The following UTP20 variants were observed in gnomAD, a reference collection of about 807,000 sequenced individuals.
UTP20 encodes the protein UTP20 small subunit processome component.
Under a neutral mutation model 329.5 loss-of-function variants are expected in UTP20, and 164 were observed. That is an observed-to-expected ratio of 0.50 (90% CI 0.44 to 0.57). The LOEUF is 0.57. Ranked by LOEUF, UTP20 falls within the 20% of genes least tolerant of loss-of-function variation. UTP20 has a pLI of 0.00. For missense variants in UTP20, 3,055 were observed against 3,284.2 expected (o/e 0.93, Z 1.71); for synonymous variants, 1,151 against 1,159.3 (o/e 0.99, Z 0.14).
chr12:101,345,796 T>G, intron 37 of UTP20, 102 bp downstream of exon 37: 2 of 1,112,454 alleles, frequency 1.8e-6, no homozygotes, highest in Non-Finnish European at 2.5e-6. Flanking sequence ...CCAAAAAGGT[T>G]TAAGCTTCTC....
At chr12:101,370,282 C>A (rs1870240864) in intron 49 of UTP20, 150 bp from the exon 50 acceptor site, 3 of 947,388 alleles carry the variant, frequency 3.2e-6, no homozygotes, top group African/African-American at 1.6e-5. Flanking sequence ...TGGTTATGGC[C>A]AAAATTTTTT....
intron 40 of UTP20, among the ~76,000 whole-genome samples, chr12:101,353,558 A>G (rs910547111): frequency 3.9e-5 from 6 of 152,204 alleles, no homozygotes; most frequent in African/African-American, 9.6e-5. Context: ...AAATTGGGCC[A>G]GAGACAGTGG....
chr12:101,380,483 C>T (rs886911341), intron 57 of UTP20, among the ~76,000 whole-genome samples: 2 of 152,082 alleles, frequency 1.3e-5, no homozygotes, highest in East Asian at 1.9e-4. Flanking sequence ...ATAGTGGAAC[C>T]CCATAAATAT....
chr12:101,385,723 C>T lies in UTP20; in HGVS notation c.8197C>T (p.Leu2733=), dbSNP rs1180008829. The T allele has an allele frequency of 5.0e-6, 8 of 1,610,630 alleles. No individual in the cohort carries two copies. Among genetic ancestry groups the T allele is most frequent in the Non-Finnish European group, 5.9e-6 (7 of 1,179,336 alleles). The change falls in exon 61 of 62, where the codon CTG becomes TTG. Residue 2733 remains leucine, a synonymous_variant. Transcript: ENST00000261637. ...GGCACTCCGGAAAAAGAGGAAGGCC[C>T]TGGAGGTAAGTTTGCTCTTTGAAAA... is the stretch of plus-strand genomic sequence containing the variant. The part of the protein sequence containing the change: ...KRALRKKRKA[L]EFVTNPDIAA...
chr12:101,295,692 T>C, intron 12 of UTP20, 34 bp downstream of exon 12: 2 of 1,549,582 alleles, frequency 1.3e-6, no homozygotes, highest in African/African-American at 1.4e-5. Context: ...GTAATGATGA[T>C]AAGTTTACCC....
At chr12:101,348,436 C>T (rs1162321665) in intron 38 of UTP20, among the ~76,000 whole-genome samples, 2 of 151,726 alleles carry the variant, frequency 1.3e-5, no homozygotes, top group African/African-American at 4.8e-5. Context: ...GGATTTTTGC[C>T]ATAGGTTTTG....
Position 101,312,287 on chromosome 12 carries a change from T to G in UTP20, c.2552+11T>G. On this transcript the variant is annotated intron_variant, in intron 21 of 61. Transcript: ENST00000261637. ...CTTGAGATTTATCAAGTAAGTTTCC[T>G]CTTCTAAGAATATGTCCCTGGTGGG... The G allele has an allele frequency of 6.2e-7, 1 of 1,613,448 alleles. No individual in the cohort carries two copies. Among genetic ancestry groups the G allele is most frequent in the Non-Finnish European group, 8.5e-7 (1 of 1,179,858 alleles).
chr12:101,280,276 T>G lies in UTP20; in HGVS notation c.-7T>G. 1 of 1,551,702 alleles carries G rather than the reference T, an allele frequency of 6.4e-7. No homozygotes were observed. Among genetic ancestry groups the G allele is most frequent in the South Asian group, 1.2e-5 (1 of 84,062 alleles). On this transcript the variant is annotated 5_prime_UTR_variant, in exon 1 of 62. Transcript: ENST00000261637. ...AGGCCGTCGCGGGCCACTGGCCCTC[T>G]GCAGCCATGAAGACAAAGCCCGTTT... is the stretch of plus-strand genomic sequence containing the variant.
At chr12:101,306,543 T>A (rs533306924) in intron 16 of UTP20, among the ~76,000 whole-genome samples, 156 bp from the exon 17 acceptor site, 1 of 152,196 alleles carries the variant, frequency 6.6e-6, no homozygotes, top group African/African-American at 2.4e-5. Flanking sequence ...TTGGTTGGTG[T>A]TGAATATGAA....
intron 48 of UTP20, 74 bp downstream of exon 48, chr12:101,368,050 G>T: frequency 9.5e-7 from 1 of 1,048,730 alleles, no homozygotes; most frequent in Non-Finnish European, 1.5e-6. Context: ...AATACCTAAT[G>T]GTTGTATTTG....
intron 29 of UTP20, among the ~76,000 whole-genome samples, chr12:101,335,881 T>C (rs967231799): frequency 1.3e-5 from 2 of 152,230 alleles, no homozygotes; most frequent in African/African-American, 4.8e-5. Context: ...TCTTTATCAT[T>C]GGACATTTGT....
chr12:101,340,611 G>C lies in UTP20; in HGVS notation c.4101+1G>C. ...CCTCCACCGTGGCAATATTGCTGAG[G>C]TACAAACTCATAGGACACTTAACTT... On this transcript the variant is annotated splice_donor_variant, in intron 32 of 61. Coordinates refer to ENST00000261637, the MANE Select transcript of UTP20 (RefSeq NM_014503.3). LOFTEE classifies it high-confidence loss of function. The C allele has an allele frequency of 1.9e-6, 3 of 1,598,748 alleles. No homozygotes were observed. Among genetic ancestry groups the C allele is most frequent in the Non-Finnish European group, 2.6e-6 (3 of 1,167,340 alleles).
At chr12:101,356,489 T>G (rs1869725026) in intron 41 of UTP20, 65 bp from the exon 42 acceptor site, 3 of 1,344,710 alleles carry the variant, frequency 2.2e-6, no homozygotes, top group Non-Finnish European at 1.0e-6. Flanking sequence ...AATACAAAGT[T>G]GCAGTGTTGG....
intron 42 of UTP20, 55 bp from the exon 43 acceptor site, chr12:101,356,871 T>A: frequency 6.4e-7 from 1 of 1,554,866 alleles, no homozygotes; most frequent in Non-Finnish European, 8.7e-7. Context: ...GATATGTGTA[T>A]GTTTAATTGC....
Position 101,281,213 on chromosome 12 carries a change from C to T in UTP20, c.126+17C>T. On this transcript the variant is annotated intron_variant, in intron 2 of 61. Transcript: ENST00000261637. ...TATGAGGAGGTAAGAGAATGTGATA[C>T]TAGTCAATCTTCAAGTGTTCATGGT... 2 of 1,588,972 alleles carry T rather than the reference C, an allele frequency of 1.3e-6. No individual in the cohort carries two copies. The highest frequency in any genetic ancestry group is 1.7e-6 in the Non-Finnish European group (2 of 1,158,048).
At chr12:101,363,890 G>A in intron 45 of UTP20, 147 bp downstream of exon 45, 9 of 574,478 alleles carry the variant, frequency 1.6e-5, no homozygotes, top group Non-Finnish European at 2.8e-5. Flanking sequence ...TGGCCAGTGA[G>A]TGAATGCTTT....
At chr12:101,333,001 GA>G (rs1300004937) in intron 27 of UTP20, among the ~76,000 whole-genome samples, 1 of 152,180 alleles carries the variant, frequency 6.6e-6, no homozygotes, top group East Asian at 1.9e-4. Flanking sequence ...TTACTTGAAT[GA>G]AAAAGTAAAA....
intron 12 of UTP20, 115 bp from the exon 13 acceptor site, chr12:101,299,567 C>T: frequency 2.0e-6 from 2 of 997,768 alleles, no homozygotes; most frequent in Non-Finnish European, 2.8e-6. Flanking sequence ...ACCACCACCA[C>T]CAATTCCTTC....
At chr12:101,379,820 G>GC (rs1555203367) in intron 57 of UTP20, among the ~76,000 whole-genome samples, 3 of 149,510 alleles carry the variant, frequency 2.0e-5, no homozygotes, top group Non-Finnish European at 4.5e-5. Flanking sequence ...ATATGTTTAA[G>GC]TTTTTTTTTT....
Sources: gnomAD v4.1 joint callset for allele counts (sites outside exome capture counted in the v4.1 genomes callset) on GRCh38, gnomAD v4.1.1 for gene constraint, MANE v1.5 for transcripts, NCBI Gene and HGNC (gene_info 2026-07-23, HGNC 2026-07-21) for gene names.